The following SLC25A48 variants were observed in gnomAD, a reference collection of about 807,000 sequenced individuals.
The protein encoded by SLC25A48 is solute carrier family 25 member 48, also known as CTC-321K16.1.
Under a neutral mutation model 32.2 loss-of-function variants are expected in SLC25A48, and 29 were observed. The ratio of observed to expected loss-of-function variants is 0.90; its 90% CI spans 0.67 to 1.23. The LOEUF (loss-of-function observed/expected upper bound fraction) is 1.23, where lower values mean the gene tolerates loss of function less well. Among genes scored for constraint, SLC25A48 ranks in the 50% most tolerant of loss-of-function variants. The pLI, the probability that SLC25A48 is intolerant of heterozygous loss-of-function variation, is 0.00. For missense variants in SLC25A48, 399 were observed against 422.7 expected (o/e 0.94, Z 0.49); for synonymous variants, 164 against 172.3 (o/e 0.95, Z 0.38).
chr5:135,712,785 C>G (rs980984218), intron 3 of SLC25A48, among the ~76,000 whole-genome samples: 2 of 152,226 alleles, frequency 1.3e-5, no homozygotes, highest in African/African-American at 4.8e-5. Flanking sequence ...ACAAAGCATT[C>G]TAGACATGAC....
chr5:135,738,901 G>A (rs577582228), intron 3 of SLC25A48, among the ~76,000 whole-genome samples: 15 of 152,292 alleles, frequency 9.8e-5, no homozygotes, highest in Middle Eastern at 6.8e-3. Flanking sequence ...TGCCAACATG[G>A]CAAAACTCTG....
At chr5:135,872,049 A>C in intron 5 of SLC25A48, 1 of 1,221,474 alleles carries the variant, frequency 8.2e-7, no homozygotes, top group Non-Finnish European at 1.0e-6. Context: ...TTGTAATGTA[A>C]GGATGCCATT....
chr5:135,752,623 A>G (rs796996302), intron 3 of SLC25A48, among the ~76,000 whole-genome samples: 7 of 152,304 alleles, frequency 4.6e-5, no homozygotes, highest in African/African-American at 1.7e-4. Context: ...CACATTTTGT[A>G]CACACAGTGT....
At position 135,612,972 on chromosome 5, in the gene SLC25A48, T is replaced by A. The variant is rs376797469; in HGVS notation, c.-848-16265T>A. On this transcript the variant is annotated intron_variant, in intron 1 of 10. Transcript: ENST00000646290. Reference sequence around the variant, plus strand: ...TTGCTGAATTATATGGAAGTTTTATTTTTAGTTTTTTGAGAAATCTTCATA... The same window carrying A: ...TTGCTGAATTATATGGAAGTTTTATATTTAGTTTTTTGAGAAATCTTCATA... Among the ~76,000 whole-genome samples the A allele has an allele frequency of 1.8e-4, 27 of 152,324 alleles. 1 individual carries two copies. Among genetic ancestry groups the A allele is most frequent in the African/African-American group, 6.3e-4 (26 of 41,582 alleles).
intron 3 of SLC25A48, among the ~76,000 whole-genome samples, chr5:135,643,062 A>C (rs1258547023): frequency 6.6e-6 from 1 of 152,226 alleles, no homozygotes; most frequent in Non-Finnish European, 1.5e-5. Context: ...GAGAACAGTC[A>C]GCAGTCTGGG....
At chr5:135,679,214 G>A (rs1365302059) in intron 3 of SLC25A48, among the ~76,000 whole-genome samples, 1 of 152,216 alleles carries the variant, frequency 6.6e-6, no homozygotes, top group Non-Finnish European at 1.5e-5. Context: ...GGTGGGACAT[G>A]TGGGTGGGTG....
chr5:135,788,146 T>A (rs1756899826), intron 3 of SLC25A48, among the ~76,000 whole-genome samples: 1 of 151,276 alleles, frequency 6.6e-6, no homozygotes, highest in African/African-American at 2.4e-5. Context: ...CCCTGGCATA[T>A]GGTCCGTAAT....
At position 135,871,852 on chromosome 5, in the gene SLC25A48, A is replaced by G. The variant is rs775555049; in HGVS notation, c.679+134A>G. ...GGTACTCACCCAACAATTCTTTGTT[A>G]GGTACCTACTCTGTCCCCGGCCCTC... On this transcript the variant is annotated intron_variant, in intron 5 of 7. Coordinates refer to ENST00000681962, the MANE Select transcript of SLC25A48 (RefSeq NM_001349336.2). 1.4e-5 allele frequency: 22 copies of G among 1,532,564 alleles called. No homozygotes were observed. In the South Asian group the frequency reaches 2.4e-4, roughly 17 times the overall value. The allele number at this position is 1,532,564 out of a possible 1,614,324, so 94.9% of individuals were successfully genotyped here.
At chr5:135,679,364 C>T (rs1753840962) in intron 3 of SLC25A48, among the ~76,000 whole-genome samples, 1 of 152,170 alleles carries the variant, frequency 6.6e-6, no homozygotes, top group Admixed American at 6.5e-5. Flanking sequence ...CGAGCTGGGC[C>T]AGGTGGATCT....
chr5:135,687,336 A>T (rs1754040144), intron 3 of SLC25A48, among the ~76,000 whole-genome samples: 2 of 152,208 alleles, frequency 1.3e-5, no homozygotes, highest in South Asian at 2.1e-4. Flanking sequence ...ATCCTCTATG[A>T]TTTTACAATG....
chr5:135,829,479 G>A (rs1392925495), intron 4 of SLC25A48, among the ~76,000 whole-genome samples: 1 of 152,158 alleles, frequency 6.6e-6, no homozygotes, highest in African/African-American at 2.4e-5. Flanking sequence ...CCGCGGCCCA[G>A]AATTTCAGAC....
At chr5:135,885,011 C>A (rs1445534426) in intron 7 of SLC25A48, among the ~76,000 whole-genome samples, 10 of 152,116 alleles carry the variant, frequency 6.6e-5, no homozygotes, top group Non-Finnish European at 1.3e-4. Flanking sequence ...CAGCTCAGGA[C>A]TTTACCACCA....
chr5:135,648,483 G>A (rs1753024755), intron 3 of SLC25A48: 1 of 152,222 alleles, frequency 6.6e-6, no homozygotes, highest in African/African-American at 2.4e-5. Context: ...GAAACATTGT[G>A]CTGATGGGCT....
intron 1 of SLC25A48, among the ~76,000 whole-genome samples, chr5:135,840,620 T>C (rs952273285): frequency 6.6e-6 from 1 of 152,238 alleles, no homozygotes; most frequent in East Asian, 1.9e-4. Flanking sequence ...TCTGTCTTTA[T>C]GGATTTGCCT....
chr5:135,665,373 T>C (rs925317979), intron 3 of SLC25A48, among the ~76,000 whole-genome samples: 9 of 152,234 alleles, frequency 5.9e-5, no homozygotes, highest in African/African-American at 2.2e-4. Flanking sequence ...ATTCTGTGGA[T>C]TGTCTGTTTA....
At chr5:135,608,102 T>A (rs1409323651) in intron 1 of SLC25A48, among the ~76,000 whole-genome samples, 1 of 152,218 alleles carries the variant, frequency 6.6e-6, no homozygotes, top group Non-Finnish European at 1.5e-5. Context: ...AGCTCAGAGA[T>A]GTGTTCACAG....
At chr5:135,840,359 C>A (rs1478425389) in intron 1 of SLC25A48, among the ~76,000 whole-genome samples, 1 of 152,222 alleles carries the variant, frequency 6.6e-6, no homozygotes, top group African/African-American at 2.4e-5. Context: ...AAGTAACCTG[C>A]AGGTAACTGA....
chr5:135,595,269 T>C (rs1331463852), intron 1 of SLC25A48, among the ~76,000 whole-genome samples: 2 of 152,222 alleles, frequency 1.3e-5, no homozygotes, highest in Non-Finnish European at 2.9e-5. Context: ...ATGGGATTGC[T>C]TGCCTAAATC....
intron 4 of SLC25A48, among the ~76,000 whole-genome samples, chr5:135,853,603 A>G (rs1026853319): frequency 6.6e-6 from 1 of 152,172 alleles, no homozygotes; most frequent in East Asian, 1.9e-4. Flanking sequence ...ATTCAGCCCC[A>G]TCTTCAGCCT....
Sources: allele counts gnomAD v4.1 joint callset (sites outside exome capture counted in the v4.1 genomes callset), GRCh38; gene constraint gnomAD v4.1.1; transcripts MANE v1.5; gene names NCBI Gene and HGNC (gene_info 2026-07-23, HGNC 2026-07-21).